The following TBC1D15 variants were observed in gnomAD, a reference collection of about 807,000 sequenced individuals.
TBC1D15 encodes GAP for RAB7.
TBC1D15 carries 39 observed loss-of-function variants against 95.4 expected under a neutral mutation model. The observed-to-expected ratio is 0.41, with a 90% CI of 0.32 to 0.53. The LOEUF is 0.53. Among genes scored for constraint, TBC1D15 ranks in the 20% least tolerant of loss-of-function variants. The probability of loss-of-function intolerance (pLI) is 0.29; values close to 1 mark genes in which losing one functional copy is unlikely to be tolerated. For missense variants in TBC1D15, 733 were observed against 794.3 expected (o/e 0.92, Z 0.93); for synonymous variants, 258 against 261.3 (o/e 0.99, Z 0.12).
At chr12:71,881,822 G>T (rs1004147776) in intron 4 of TBC1D15, among the ~76,000 whole-genome samples, 10 of 151,124 alleles carry the variant, frequency 6.6e-5, no homozygotes, top group African/African-American at 2.4e-4. Context: ...GGAAGCCGAG[G>T]CAGGGGAATC....
rs765228164 is a variant in TBC1D15 at position 71,907,061 on chromosome 12, A to G, written c.1223A>G (p.Tyr408Cys). Residue 408 changes from tyrosine to cysteine, a missense_variant, in exon 11 of 17, where the codon TAT becomes TGT. Coordinates refer to ENST00000485960, the MANE Select transcript of TBC1D15 (RefSeq NM_001146213.3). ...AGAACAGATCGAACAAACAAGTTTTATGAAGGCCAAGATAATCCAGGGTTG... is the reference window on the plus strand; with the variant it reads ...AGAACAGATCGAACAAACAAGTTTTGTGAAGGCCAAGATAATCCAGGGTTG... ...VNRTDRTNKF[Y>C]EGQDNPGLIL... 1.2e-6 allele frequency: 2 copies of G among 1,611,978 alleles called. No individual in the cohort carries two copies. The highest frequency in any genetic ancestry group is 1.7e-6 in the Non-Finnish European group (2 of 1,179,008).
At chr12:71,891,920 G>C (rs1265490209) in intron 5 of TBC1D15, among the ~76,000 whole-genome samples, 1 of 151,898 alleles carries the variant, frequency 6.6e-6, no homozygotes, top group African/African-American at 2.4e-5. Flanking sequence ...TTTTTTATTT[G>C]GGTTTTAAAG....
At chr12:71,854,799 AG>A in intron 1 of TBC1D15, 1 of 456,670 alleles carries the variant, frequency 2.2e-6, no homozygotes. Flanking sequence ...GCTTGGTGAC[AG>A]GTGGTGCTAC....
At chr12:71,844,418 A>G (rs1467600484) in intron 1 of TBC1D15, among the ~76,000 whole-genome samples, 2 of 152,232 alleles carry the variant, frequency 1.3e-5, no homozygotes, top group African/African-American at 2.4e-5. Flanking sequence ...ACTGCTCTGT[A>G]TAAAATATAT....
At chr12:71,918,300 C>CTTT in intron 13 of TBC1D15, 151 bp from the exon 14 acceptor site, 1 of 504,206 alleles carries the variant, frequency 2.0e-6, no homozygotes, top group Non-Finnish European at 3.5e-6. Context: ...AGAAGTCAGC[C>CTTT]TTCAAGTTTG....
chr12:71,922,145 C>T (rs142407194), intron 16 of TBC1D15, among the ~76,000 whole-genome samples: 3 of 152,172 alleles, frequency 2.0e-5, no homozygotes, highest in Non-Finnish European at 4.4e-5. Flanking sequence ...AATGCAGTGG[C>T]GTGACCTCGG....
Position 71,910,462 on chromosome 12 carries a change from A to G in TBC1D15, c.1300+3324A>G, listed in dbSNP as rs1370394459. 1.1e-4 allele frequency among the ~76,000 whole-genome samples: 16 copies of G among 151,630 alleles called. No individual in the cohort carries two copies. In the East Asian group the frequency reaches 2.9e-3, roughly 27 times the overall value. The stretch of plus-strand genomic sequence containing the variant: ...ATAAATTAACTTGGGCAGTATGACC[A>G]TTTTCACGATATTGATTCTTCCTAC... On this transcript the variant is annotated intron_variant, in intron 11 of 16. Transcript: ENST00000485960.
intron 5 of TBC1D15, among the ~76,000 whole-genome samples, chr12:71,887,237 A>G (rs150672612): frequency 5.9e-5 from 9 of 152,236 alleles, no homozygotes; most frequent in African/African-American, 1.2e-4. Flanking sequence ...TTGATCAACT[A>G]CTATTTTTAC....
At position 71,907,036 on chromosome 12, in the gene TBC1D15, A is replaced by G. The variant is rs1237288081; in HGVS notation, c.1198A>G (p.Arg400Gly). 1 of 1,603,730 alleles carries G rather than the reference A, an allele frequency of 6.2e-7. No individual in the cohort carries two copies. Among genetic ancestry groups the G allele is most frequent in the Admixed American group, 1.7e-5 (1 of 57,714 alleles). ...YRSLIEKDVN[R>G]TDRTNKFYEG... ...TTCCTCTTCAGAAAAAGATGTTAAC[A>G]GAACAGATCGAACAAACAAGTTTTA... is the stretch of plus-strand genomic sequence containing the variant. Residue 400 changes from arginine to glycine, a missense_variant, in exon 11 of 17, where the codon AGA becomes GGA. Arg to Gly is a moderately radical substitution (Grantham distance 125). Transcript: ENST00000485960.
intron 1 of TBC1D15, among the ~76,000 whole-genome samples, chr12:71,865,717 G>T (rs1370245647): frequency 6.6e-6 from 1 of 152,116 alleles, no homozygotes; most frequent in Non-Finnish European, 1.5e-5. Context: ...CCTGTAGTGT[G>T]GGCTATCTAG....
intron 11 of TBC1D15, among the ~76,000 whole-genome samples, chr12:71,911,579 C>A (rs1302429454): frequency 2.6e-4 from 30 of 114,098 alleles, no homozygotes; most frequent in East Asian, 7.9e-4. Context: ...ACAATGAGAA[C>A]ACATGGACAC....
chr12:71,922,181 T>C (rs890974285), intron 16 of TBC1D15, among the ~76,000 whole-genome samples: 14 of 152,154 alleles, frequency 9.2e-5, no homozygotes, highest in African/African-American at 3.4e-4. Context: ...TCCTCCTGAG[T>C]TCAGTCGATT....
intron 1 of TBC1D15, among the ~76,000 whole-genome samples, chr12:71,850,984 C>CAAAAAAAAAA (rs1206992856): frequency 2.0e-3 from 94 of 46,924 alleles, no homozygotes; most frequent in Middle Eastern, 0.011. Context: ...CACTCCATCT[C>CAAAAAAAAAA]AAAAAAAAAA....
At chr12:71,912,394 C>T (rs1455817324) in intron 11 of TBC1D15, among the ~76,000 whole-genome samples, 1 of 152,062 alleles carries the variant, frequency 6.6e-6, no homozygotes, top group Non-Finnish European at 1.5e-5. Context: ...TATTTTCCCA[C>T]AGGGTGCAGT....
intron 1 of TBC1D15, among the ~76,000 whole-genome samples, chr12:71,850,984 C>CAAAAAAAAAAAAAAAAAAAA: frequency 2.1e-5 from 1 of 46,956 alleles, no homozygotes; most frequent in Non-Finnish European, 4.3e-5. Context: ...CACTCCATCT[C>CAAAAAAAAAAAAAAAAAAAA]AAAAAAAAAA....
At chr12:71,920,432 T>C (rs1868857886) in intron 14 of TBC1D15, among the ~76,000 whole-genome samples, 1 of 152,188 alleles carries the variant, frequency 6.6e-6, no homozygotes, top group African/African-American at 2.4e-5. Context: ...ACCTTGTGTC[T>C]GTAGCTCCTG....
intron 6 of TBC1D15, chr12:71,894,482 A>G (rs1034625522): frequency 1.9e-5 from 25 of 1,301,278 alleles, no homozygotes; most frequent in African/African-American, 1.3e-4. Context: ...TTATTATGCT[A>G]TTTTAACCAA....
chr12:71,886,901 A>G (rs1896335837), intron 5 of TBC1D15, among the ~76,000 whole-genome samples: 1 of 152,200 alleles, frequency 6.6e-6, no homozygotes, highest in South Asian at 2.1e-4. Context: ...GATGTAACTC[A>G]CAAATGAGAT....
At chr12:71,903,895 A>T (rs941185640) in intron 10 of TBC1D15, among the ~76,000 whole-genome samples, 2 of 152,190 alleles carry the variant, frequency 1.3e-5, no homozygotes, top group African/African-American at 4.8e-5. Context: ...AAAACTACAT[A>T]TTGGGTGTTA....
Sources: allele counts gnomAD v4.1 joint callset (sites outside exome capture counted in the v4.1 genomes callset), GRCh38; gene constraint gnomAD v4.1.1; transcripts MANE v1.5; gene names NCBI Gene and HGNC (gene_info 2026-07-23, HGNC 2026-07-21).